The following ARAP2 variants were observed in gnomAD, a reference collection of about 807,000 sequenced individuals.
The protein encoded by ARAP2 is arf-GAP with Rho-GAP domain, ANK repeat and PH domain-containing protein 2.
Under a neutral mutation model 194.5 loss-of-function variants are expected in ARAP2, and 148 were observed. That is an observed-to-expected ratio of 0.76 (90% CI 0.67 to 0.87). ARAP2 has a LOEUF of 0.87. ARAP2 is among the 40% of genes least tolerant of loss of function. ARAP2 has a pLI of 0.00. For synonymous variants in ARAP2, 695 were observed against 683.5 expected (o/e 1.02, Z -0.26); for missense variants, 2,128 against 1,989.7 (o/e 1.07, Z -1.32).
chr4:36,118,507 T>C (rs1006040079), intron 24 of ARAP2, among the ~76,000 whole-genome samples: 4 of 151,344 alleles, frequency 2.6e-5, no homozygotes, highest in Non-Finnish European at 5.9e-5. Context: ...AATACTATTA[T>C]TTTTACTTAC....
At chr4:36,089,913 G>T (rs1021589504) in intron 28 of ARAP2, among the ~76,000 whole-genome samples, 4 of 151,800 alleles carry the variant, frequency 2.6e-5, no homozygotes, top group Non-Finnish European at 4.4e-5. Flanking sequence ...CTCAATCTGG[G>T]ACTTGCCTAT....
At chr4:36,061,682 C>T (rs1044402260), downstream of ARAP2, among the ~76,000 whole-genome samples, 3 of 152,136 alleles carry the variant, frequency 2.0e-5, no homozygotes, top group African/African-American at 7.2e-5. Flanking sequence ...ATATATACAG[C>T]AGTGGGATTG....
chr4:36,149,481 T>C lies in ARAP2; in HGVS notation c.2898-974A>G, dbSNP rs76867696. 1.4e-4 allele frequency among the ~76,000 whole-genome samples: 22 copies of C among 152,354 alleles called. No homozygotes were observed. The East Asian group carries it at 4.2e-3, about 29-fold the overall frequency. ...TGAGGTCATACTCTCCAATGTGTTATTTGAGGCAATTCAGCAAGAATTTTA... is the reference window on the plus strand; with the variant it reads ...TGAGGTCATACTCTCCAATGTGTTACTTGAGGCAATTCAGCAAGAATTTTA... On this transcript the variant is annotated intron_variant, in intron 16 of 32. Transcript: ENST00000303965.
intron 6 of ARAP2, among the ~76,000 whole-genome samples, chr4:36,207,109 T>C (rs1745701567): frequency 6.6e-6 from 1 of 152,356 alleles, no homozygotes; most frequent in East Asian, 1.9e-4. Flanking sequence ...TGTTCTCTTT[T>C]CTTTACAACA....
chr4:36,136,478 C>A (rs1313136617), intron 19 of ARAP2, among the ~76,000 whole-genome samples: 1 of 151,616 alleles, frequency 6.6e-6, no homozygotes, highest in Non-Finnish European at 1.5e-5. Context: ...AATATAATAA[C>A]CATGAAGCAT....
chr4:36,107,591 G>GTTAAGAATCTTTT lies in ARAP2; in HGVS notation c.4258_4259insAAAAGATTCTTAA (p.Thr1420LysfsTer7). 6.2e-7 allele frequency: 1 copy of GTTAAGAATCTTTT among 1,610,178 alleles called. No homozygotes were observed. Among genetic ancestry groups the GTTAAGAATCTTTT allele is most frequent in the Non-Finnish European group, 8.5e-7 (1 of 1,177,872 alleles). ...ACTGCAGTGTTTAATTGTGTCAGCGGTTAAGAATCTCTTCACCACCAGGTA... is the reference window on the plus strand; with the variant it reads ...ACTGCAGTGTTTAATTGTGTCAGCGGTTAAGAATCTTTTTTAAGAATCTCTTCACCACCAGGTA... On this transcript the variant is annotated frameshift_variant, in exon 27 of 33. Coordinates refer to ENST00000303965, the MANE Select transcript of ARAP2 (RefSeq NM_015230.4). LOFTEE classifies it high-confidence loss of function.
At chr4:36,156,431 GAA>G (rs1297520612) in intron 15 of ARAP2, among the ~76,000 whole-genome samples, 381 of 21,932 alleles carry the variant, frequency 0.017, 26 homozygotes, top group African/African-American at 0.11. Context: ...AAGAAAGAAA[GAA>G]AGAAAGAAAG....
At chr4:36,175,999 G>A (rs996683696) in intron 9 of ARAP2, among the ~76,000 whole-genome samples, 2 of 152,082 alleles carry the variant, frequency 1.3e-5, no homozygotes, top group Non-Finnish European at 2.9e-5. Flanking sequence ...AATGTTTATT[G>A]AAAGCATACC....
chr4:36,208,095 T>C (rs1745952773), intron 6 of ARAP2, among the ~76,000 whole-genome samples: 1 of 152,200 alleles, frequency 6.6e-6, no homozygotes, highest in South Asian at 2.1e-4. Flanking sequence ...ATCTGGCCTG[T>C]AAGCCCTGTA....
At chr4:36,135,345 C>A (rs1726439362) in intron 19 of ARAP2, among the ~76,000 whole-genome samples, 1 of 151,694 alleles carries the variant, frequency 6.6e-6, no homozygotes, top group Non-Finnish European at 1.5e-5. Context: ...CCTTTGTTTT[C>A]TTTCTTGAAA....
At chr4:36,062,414 G>A (rs1291240020), downstream of ARAP2, among the ~76,000 whole-genome samples, 1 of 151,662 alleles carries the variant, frequency 6.6e-6, no homozygotes, top group Non-Finnish European at 1.5e-5. Flanking sequence ...TGTGTAGATA[G>A]TTATTAGGTT....
intron 19 of ARAP2, among the ~76,000 whole-genome samples, chr4:36,136,938 A>G (rs199839445): frequency 0.31 from 46,236 of 147,494 alleles, 8,338 homozygotes; most frequent in East Asian, 0.46. Context: ...GCGCGCACAC[A>G]CACACACACA....
intron 9 of ARAP2, among the ~76,000 whole-genome samples, chr4:36,167,385 C>G (rs1163552334): frequency 1.3e-5 from 2 of 152,054 alleles, no homozygotes; most frequent in East Asian, 1.9e-4. Flanking sequence ...GTATGTCAAG[C>G]AGTTTCCTAG....
chr4:36,056,756 T>A (rs1183514344), intron 2 of ARAP2, among the ~76,000 whole-genome samples: 1 of 152,156 alleles, frequency 6.6e-6, no homozygotes, highest in East Asian at 1.9e-4. Context: ...TTTCCATTTT[T>A]CTTTTCTATA....
intron 1 of ARAP2, among the ~76,000 whole-genome samples, chr4:36,230,407 T>C (rs1333627065): frequency 6.6e-6 from 1 of 152,186 alleles, no homozygotes; most frequent in Non-Finnish European, 1.5e-5. Flanking sequence ...TTTCATTTCA[T>C]AAAAACAGGC....
intron 2 of ARAP2, among the ~76,000 whole-genome samples, chr4:36,215,139 T>C (rs1287176376): frequency 2.0e-5 from 3 of 152,160 alleles, no homozygotes; most frequent in African/African-American, 7.2e-5. Flanking sequence ...AAAATAACTT[T>C]TAAAAAGAAG....
chr4:36,215,175 ACAATTT>A (rs1207935338), intron 2 of ARAP2, among the ~76,000 whole-genome samples: 2 of 152,234 alleles, frequency 1.3e-5, no homozygotes, highest in Non-Finnish European at 2.9e-5. Context: ...TTTATACTAT[ACAATTT>A]CAATATTTAA....
Position 36,202,013 on chromosome 4 carries a change from T to C in ARAP2, c.1488-8366A>G, listed in dbSNP as rs1200577069. ...CAATGAAAAACATACTTCTCAAATA[T>C]TCTAAACAATCTCAAAGGAAAAAGT... is the stretch of plus-strand genomic sequence containing the variant. On this transcript the variant is annotated intron_variant, in intron 6 of 32. Coordinates refer to ENST00000303965, the MANE Select transcript of ARAP2 (RefSeq NM_015230.4). Among the ~76,000 whole-genome samples the C allele has an allele frequency of 2.0e-5, 3 of 152,316 alleles. No homozygotes were observed. The East Asian group carries it at 5.8e-4, about 29-fold the overall frequency.
At chr4:36,096,247 A>G (rs1715185196) in intron 27 of ARAP2, among the ~76,000 whole-genome samples, 1 of 151,086 alleles carries the variant, frequency 6.6e-6, no homozygotes, top group African/African-American at 2.4e-5. Flanking sequence ...CCACTGTAGT[A>G]CCAGCTACTC....
Sources: gnomAD v4.1 joint callset for allele counts (sites outside exome capture counted in the v4.1 genomes callset) on GRCh38, gnomAD v4.1.1 for gene constraint, MANE v1.5 for transcripts, NCBI Gene and HGNC (gene_info 2026-07-23, HGNC 2026-07-21) for gene names.